The following GRIK2 variants were observed in gnomAD, a reference collection of about 807,000 sequenced individuals.
GRIK2 encodes the protein glutamate ionotropic receptor kainate type subunit 2, also known as glutamate receptor ionotropic, kainate 2.
GRIK2 carries 32 observed loss-of-function variants against 100.3 expected under a neutral mutation model. The observed-to-expected ratio is 0.32, with a 90% CI of 0.24 to 0.43. The LOEUF (loss-of-function observed/expected upper bound fraction) is 0.43, where lower values mean the gene tolerates loss of function less well. Ranked by LOEUF, GRIK2 falls within the 20% of genes least tolerant of loss-of-function variation. GRIK2 has a pLI of 1.00. For missense variants in GRIK2, 843 were observed against 1,114.9 expected (o/e 0.76, Z 3.47); for synonymous variants, 417 against 389.4 (o/e 1.07, Z -0.83).
intron 2 of GRIK2, among the ~76,000 whole-genome samples, chr6:101,537,379 T>G (rs1562209179): frequency 2.0e-5 from 3 of 151,702 alleles, no homozygotes; most frequent in Admixed American, 1.3e-4. Context: ...AATCAACATT[T>G]TAATAAGTTG....
At chr6:101,835,972 T>G (rs1327684065) in intron 10 of GRIK2, among the ~76,000 whole-genome samples, 1 of 140,388 alleles carries the variant, frequency 7.1e-6, no homozygotes, top group Non-Finnish European at 1.5e-5. Flanking sequence ...CTCATTTTGT[T>G]AAAGGCTGTA....
chr6:101,604,928 AACG>A (rs1779377132), intron 2 of GRIK2, among the ~76,000 whole-genome samples: 1 of 151,946 alleles, frequency 6.6e-6, no homozygotes, highest in Non-Finnish European at 1.5e-5. Context: ...AATTTGGAGA[AACG>A]ACAAGAACAA....
chr6:101,683,028 A>G (rs1420779377), intron 6 of GRIK2, among the ~76,000 whole-genome samples: 2 of 151,876 alleles, frequency 1.3e-5, no homozygotes, highest in Non-Finnish European at 1.5e-5. Context: ...ATATGGTGAA[A>G]CCCATCTCTA....
At chr6:101,806,763 G>T (rs937798876) in intron 9 of GRIK2, among the ~76,000 whole-genome samples, 1 of 151,606 alleles carries the variant, frequency 6.6e-6, no homozygotes, top group Non-Finnish European at 1.5e-5. Flanking sequence ...CATCCTGGTA[G>T]TATCATCTTA....
chr6:101,490,612 G>A lies in GRIK2; in HGVS notation c.115+91220G>A, dbSNP rs910445048. 2.7e-5 allele frequency among the ~76,000 whole-genome samples: 4 copies of A among 146,722 alleles called. 2 individuals are homozygous for A. The highest frequency in any genetic ancestry group is 5.2e-5 in the African/African-American group (2 of 38,538). ...ATAGGAAAGTATTGTCTTGAAGAGAGGCATTAACGTAAGATAAATGTTGAT... is the reference window on the plus strand; with the variant it reads ...ATAGGAAAGTATTGTCTTGAAGAGAAGCATTAACGTAAGATAAATGTTGAT... On this transcript the variant is annotated intron_variant, in intron 2 of 16. Transcript: ENST00000369134.
At chr6:101,557,064 A>G (rs9377282) in intron 2 of GRIK2, among the ~76,000 whole-genome samples, 25,743 of 152,072 alleles carry the variant, frequency 0.17, 2,602 homozygotes, top group South Asian at 0.31. Context: ...TATATATTTA[A>G]CCCACATTTT....
chr6:101,793,542 G>A (rs560256490), intron 7 of GRIK2, among the ~76,000 whole-genome samples: 16 of 152,244 alleles, frequency 1.1e-4, no homozygotes, highest in African/African-American at 3.8e-4. Flanking sequence ...TACCGCGAAT[G>A]CTGCTGTCTG....
chr6:101,830,125 C>T (rs1411571919), intron 10 of GRIK2, among the ~76,000 whole-genome samples: 1 of 152,052 alleles, frequency 6.6e-6, no homozygotes, highest in Admixed American at 6.6e-5. Context: ...TAAGGCTACA[C>T]TCCTACAACC....
intron 2 of GRIK2, among the ~76,000 whole-genome samples, chr6:101,545,674 C>T (rs1776197302): frequency 6.6e-6 from 1 of 152,086 alleles, no homozygotes; most frequent in Admixed American, 6.6e-5. Flanking sequence ...ACTATTATTT[C>T]ATACAAGCAA....
chr6:101,993,872 T>C (rs982478686), intron 14 of GRIK2: 16 of 147,786 alleles, frequency 1.1e-4, no homozygotes, highest in African/African-American at 3.9e-4. Context: ...TTATTTAATA[T>C]AAATAGGTAC....
At chr6:101,609,963 A>G (rs986961734) in intron 2 of GRIK2, among the ~76,000 whole-genome samples, 7 of 151,764 alleles carry the variant, frequency 4.6e-5, no homozygotes, top group Admixed American at 2.0e-4. Context: ...TATTTTAGCA[A>G]TCTCAAGATA....
rs3056161 is a variant in GRIK2 at position 101,592,588 on chromosome 6, C to CATATATATATAT, written c.116-29336_116-29325dup. 7.0e-3 allele frequency among the ~76,000 whole-genome samples: 717 copies of CATATATATATAT among 101,792 alleles called. 10 individuals carry two copies. Among genetic ancestry groups the CATATATATATAT allele is most frequent in the Admixed American group, 8.0e-3 (68 of 8,482 alleles). 66.8% of individuals were successfully genotyped at this position (101,792 alleles called of 152,430 possible). ...TCATGGGATAGAATTACTAATATCA[C>CATATATATATAT]ATATATATATATATATATATATATA... On this transcript the variant is annotated intron_variant, in intron 2 of 16. Coordinates refer to ENST00000369134, the MANE Select transcript of GRIK2 (RefSeq NM_021956.5).
At chr6:101,568,001 C>T (rs1308580871) in intron 2 of GRIK2, among the ~76,000 whole-genome samples, 1 of 151,844 alleles carries the variant, frequency 6.6e-6, no homozygotes, top group Non-Finnish European at 1.5e-5. Flanking sequence ...ATTCTTGTTT[C>T]TAACCAGTAT....
At position 101,984,776 on chromosome 6, in the gene GRIK2, A is replaced by C. The variant is rs9498791; in HGVS notation, c.2086-50565A>C. On this transcript the variant is annotated intron_variant, in intron 14 of 16. Coordinates refer to ENST00000369134, the MANE Select transcript of GRIK2 (RefSeq NM_021956.5). ...GGTCTTTTCATAACATTTTTTCAGG[A>C]AGATGATCCCTATATCGGACCCCAA... is the stretch of plus-strand genomic sequence containing the variant. Among the ~76,000 whole-genome samples the C allele has an allele frequency of 8.1e-3, 1,233 of 151,914 alleles. 18 individuals carry two copies. Among genetic ancestry groups the C allele is most frequent in the African/African-American group, 0.029 (1,198 of 41,520 alleles).
chr6:102,015,227 A>G (rs76453942), intron 14 of GRIK2, among the ~76,000 whole-genome samples: 7,639 of 151,730 alleles, frequency 0.05, 228 homozygotes, highest in South Asian at 0.076. Flanking sequence ...TGTTGATTTA[A>G]CGTCTGTTTT....
intron 7 of GRIK2, chr6:101,744,554 A>ATCTATC (rs1347993350): frequency 2.9e-4 from 33 of 114,786 alleles, no homozygotes; most frequent in African/African-American, 1.1e-3. Flanking sequence ...ATATATATAT[A>ATCTATC]TATATCACAA....
intron 12 of GRIK2, among the ~76,000 whole-genome samples, chr6:101,902,035 T>A (rs55928024): frequency 3.3e-5 from 5 of 151,660 alleles, no homozygotes; most frequent in African/African-American, 7.3e-5. Flanking sequence ...GCTTAAAAAT[T>A]TAAATGATAT....
chr6:101,394,143 C>T (rs796194676), intron 1 of GRIK2, among the ~76,000 whole-genome samples: 12 of 152,282 alleles, frequency 7.9e-5, no homozygotes, highest in African/African-American at 2.2e-4. Context: ...GTGGCCTCAG[C>T]TACGGGGACT....
intron 2 of GRIK2, among the ~76,000 whole-genome samples, chr6:101,433,518 T>G (rs1382351247): frequency 1.3e-5 from 2 of 152,284 alleles, no homozygotes; most frequent in East Asian, 3.9e-4. Flanking sequence ...GTGGTAGGAG[T>G]GCAATAAATA....
Sources: allele counts gnomAD v4.1 joint callset (sites outside exome capture counted in the v4.1 genomes callset), GRCh38; gene constraint gnomAD v4.1.1; transcripts MANE v1.5; gene names NCBI Gene and HGNC (gene_info 2026-07-23, HGNC 2026-07-21).